Variants in RIT2 observed in about 807,000 individuals in gnomAD.
The protein encoded by RIT2 is Ras like without CAAX 2, also known as GTP-binding protein Rit2.
Under a neutral mutation model 23.7 loss-of-function variants are expected in RIT2, and 24 were observed. That is an observed-to-expected ratio of 1.01 (90% CI 0.73 to 1.43). The LOEUF (loss-of-function observed/expected upper bound fraction) is 1.43. Ranked by LOEUF, RIT2 falls within the 40% of genes most tolerant of loss-of-function variation. The probability of loss-of-function intolerance (pLI) is 0.00; values close to 1 mark genes in which losing one functional copy is unlikely to be tolerated. For synonymous variants in RIT2, 107 were observed against 91.1 expected (o/e 1.17, Z -0.99); for missense variants, 236 against 266.9 (o/e 0.88, Z 0.81).
At chr18:42,838,525 T>G (rs1906678574) in intron 4 of RIT2, among the ~76,000 whole-genome samples, 1 of 150,028 alleles carries the variant, frequency 6.7e-6, no homozygotes, top group South Asian at 2.1e-4. Flanking sequence ...TCCATGGCAA[T>G]TAAGGGGCAT....
intron 4 of RIT2, among the ~76,000 whole-genome samples, chr18:42,774,492 GA>G (rs1555636642): frequency 6.6e-6 from 1 of 151,678 alleles, no homozygotes; most frequent in Non-Finnish European, 1.5e-5. Context: ...TAAAAAAAAA[GA>G]AAAGGTAAAA....
At chr18:42,846,549 T>C (rs1012450118) in intron 4 of RIT2, among the ~76,000 whole-genome samples, 1 of 151,928 alleles carries the variant, frequency 6.6e-6, no homozygotes, top group Non-Finnish European at 1.5e-5. Flanking sequence ...TTAAATAAAA[T>C]ACTGGCAAAC....
intron 3 of RIT2, among the ~76,000 whole-genome samples, chr18:42,943,921 A>G (rs1318502790): frequency 2.0e-5 from 3 of 152,102 alleles, no homozygotes; most frequent in Non-Finnish European, 4.4e-5. Flanking sequence ...CCAGAATCCA[A>G]CTACTTTTTT....
chr18:43,018,324 T>C (rs1015773795), intron 2 of RIT2, among the ~76,000 whole-genome samples: 3 of 150,674 alleles, frequency 2.0e-5, no homozygotes, highest in Non-Finnish European at 4.4e-5. Flanking sequence ...CAAGGCCCTA[T>C]ACAAAATTAT....
chr18:43,090,833 G>A (rs769855581), intron 1 of RIT2, among the ~76,000 whole-genome samples: 1 of 152,010 alleles, frequency 6.6e-6, no homozygotes, highest in African/African-American at 2.4e-5. Flanking sequence ...GAGAACACGT[G>A]TACACATGGA....
In RIT2 at chr18:42,743,400, C is replaced by G. The variant is rs1012397945; in HGVS notation, c.*93G>C. ...AGGCAGATATTTAAAGAGAGAGAGA[C>G]ACATAGAGAGATAATATTGAAGCAG... On this transcript the variant is annotated 3_prime_UTR_variant, in exon 5 of 5. Transcript: ENST00000326695. 1.0e-5 allele frequency: 9 copies of G among 889,718 alleles called. No homozygotes were observed. The highest frequency in any genetic ancestry group is 1.9e-5 in the Admixed American group (1 of 51,858). The allele number at this position is 889,718 out of a possible 1,614,324, so 55.1% of individuals were successfully genotyped here. A position where few individuals can be genotyped will look rare whatever the true frequency, so the allele number is the denominator to read the frequency against.
intron 1 of RIT2, among the ~76,000 whole-genome samples, chr18:43,056,797 G>A (rs946676421): frequency 1.3e-4 from 20 of 152,082 alleles, no homozygotes; most frequent in African/African-American, 4.6e-4. Flanking sequence ...CCTGGGCTTC[G>A]CCAGGGAGGA....
chr18:43,033,799 G>C lies in RIT2; in HGVS notation c.160+12C>G. On this transcript the variant is annotated intron_variant, in intron 2 of 4. Transcript: ENST00000326695. ...TTATTTGAGCTTACGGAGAAAGGAA[G>C]CTTCCACTTACCTATAGTAGGGTCA... The C allele has an allele frequency of 6.3e-7, 1 of 1,584,976 alleles. No homozygotes were observed. Among genetic ancestry groups the C allele is most frequent in the Non-Finnish European group, 8.7e-7 (1 of 1,155,874 alleles).
At chr18:42,842,089 A>G (rs1906783009) in intron 4 of RIT2, among the ~76,000 whole-genome samples, 1 of 152,236 alleles carries the variant, frequency 6.6e-6, no homozygotes. Context: ...GTAGGCTGAT[A>G]TGCAACTAAT....
intron 2 of RIT2, among the ~76,000 whole-genome samples, chr18:42,988,132 T>G (rs1221127992): frequency 6.6e-6 from 1 of 152,156 alleles, no homozygotes; most frequent in Non-Finnish European, 1.5e-5. Flanking sequence ...TGAATTTCTT[T>G]AAACTATAGA....
intron 4 of RIT2, among the ~76,000 whole-genome samples, chr18:42,893,876 A>T (rs1004129822): frequency 1.9e-4 from 29 of 152,222 alleles, no homozygotes; most frequent in South Asian, 4.1e-4. Context: ...CATTTTTTTT[A>T]AAAAAGTGGC....
intron 3 of RIT2, among the ~76,000 whole-genome samples, chr18:42,954,969 G>A (rs1475113651): frequency 2.0e-5 from 3 of 152,064 alleles, no homozygotes; most frequent in African/African-American, 4.8e-5. Context: ...TGGGCATTTC[G>A]AAGTATTTTA....
chr18:42,911,268 TAAA>T (rs1226414641), intron 4 of RIT2, among the ~76,000 whole-genome samples: 2 of 151,254 alleles, frequency 1.3e-5, no homozygotes, highest in African/African-American at 4.9e-5. Context: ...TAAGAAGACA[TAAA>T]GAAGAGCTAA....
At chr18:42,790,636 C>T (rs1218309195) in intron 4 of RIT2, among the ~76,000 whole-genome samples, 4 of 152,158 alleles carry the variant, frequency 2.6e-5, no homozygotes, top group Non-Finnish European at 5.9e-5. Context: ...ACCATGTTGG[C>T]CAGGCTGGTC....
chr18:43,045,965 T>G (rs1006943026), intron 1 of RIT2, among the ~76,000 whole-genome samples: 1 of 152,180 alleles, frequency 6.6e-6, no homozygotes, highest in African/African-American at 2.4e-5. Context: ...TTTATAATAT[T>G]ATATTTTCAT....
chr18:42,932,492 C>A (rs980113060), intron 3 of RIT2, among the ~76,000 whole-genome samples: 1 of 152,132 alleles, frequency 6.6e-6, no homozygotes, highest in African/African-American at 2.4e-5. Flanking sequence ...TGATATCATG[C>A]TACCAATCAA....
intron 4 of RIT2, among the ~76,000 whole-genome samples, chr18:42,775,761 T>A (rs1238566784): frequency 6.6e-6 from 1 of 151,688 alleles, no homozygotes. Context: ...AACAGTGACG[T>A]CAGGACCAAA....
chr18:42,757,518 C>T (rs1163047147), intron 4 of RIT2, among the ~76,000 whole-genome samples: 2 of 152,076 alleles, frequency 1.3e-5, no homozygotes, highest in African/African-American at 4.8e-5. Context: ...TGAACTAGAA[C>T]AAAATAAATT....
intron 4 of RIT2, among the ~76,000 whole-genome samples, chr18:42,894,524 G>A (rs976357832): frequency 2.6e-5 from 4 of 152,148 alleles, no homozygotes; most frequent in African/African-American, 9.7e-5. Context: ...AAAAGTAGCA[G>A]TCTGATCAGT....
Sources: gnomAD v4.1 joint callset for allele counts (sites outside exome capture counted in the v4.1 genomes callset) on GRCh38, gnomAD v4.1.1 for gene constraint, MANE v1.5 for transcripts, NCBI Gene and HGNC (gene_info 2026-07-23, HGNC 2026-07-21) for gene names.